The following AUTS2 variants were observed in gnomAD, a reference collection of about 807,000 sequenced individuals.
AUTS2 encodes the protein autism susceptibility gene 2 protein.
AUTS2 carries 17 observed loss-of-function variants against 112.4 expected under a neutral mutation model. The observed-to-expected ratio is 0.15, with a 90% confidence interval of 0.10 to 0.23. The LOEUF (loss-of-function observed/expected upper bound fraction) is 0.23. Ranked by LOEUF, AUTS2 falls within the 10% of genes least tolerant of loss-of-function variation. The probability of loss-of-function intolerance (pLI) is 1.00; values close to 1 mark genes in which losing one functional copy is unlikely to be tolerated. For synonymous variants in AUTS2, 751 were observed against 702.7 expected, an observed-to-expected ratio of 1.07 and a Z score of -1.09; for missense variants, 1,510 against 1,701.6, an observed-to-expected ratio of 0.89 and a Z score of 1.98.
intron 2 of AUTS2, among the ~76,000 whole-genome samples, chr7:69,931,884 T>C (rs7809934): frequency 0.36 from 54,288 of 152,176 alleles, 10,183 homozygotes; most frequent in African/African-American, 0.47. Flanking sequence ...CTTACCTTGA[T>C]GAGGCAATCT....
At chr7:70,646,483 GA>G (rs1368582006) in intron 5 of AUTS2, among the ~76,000 whole-genome samples, 3 of 152,244 alleles carry the variant, frequency 2.0e-5, no homozygotes, top group African/African-American at 7.2e-5. Context: ...TCAAATGTCA[GA>G]GGCCATTCAA....
At chr7:70,275,943 G>A (rs1787907302) in intron 4 of AUTS2, among the ~76,000 whole-genome samples, 1 of 152,122 alleles carries the variant, frequency 6.6e-6, no homozygotes, top group African/African-American at 2.4e-5. Context: ...AGCAGCATGA[G>A]AACGTATTAA....
chr7:70,374,012 T>A (rs1792969824), intron 4 of AUTS2, among the ~76,000 whole-genome samples: 1 of 152,190 alleles, frequency 6.6e-6, no homozygotes, highest in South Asian at 2.1e-4. Context: ...ATATAACCTA[T>A]CTCCTGCAAC....
intron 2 of AUTS2, among the ~76,000 whole-genome samples, chr7:69,951,774 T>C (rs913661537): frequency 6.6e-6 from 1 of 152,116 alleles, no homozygotes; most frequent in African/African-American, 2.4e-5. Context: ...AGGAATTCAT[T>C]AGGGGTATCC....
chr7:70,599,428 T>C (rs1454917038), intron 5 of AUTS2, among the ~76,000 whole-genome samples: 1 of 152,252 alleles, frequency 6.6e-6, no homozygotes, highest in Non-Finnish European at 1.5e-5. Context: ...GAGGAGTACT[T>C]TGAGGTCATC....
At chr7:69,946,678 T>C (rs1057030792) in intron 2 of AUTS2, among the ~76,000 whole-genome samples, 2 of 151,920 alleles carry the variant, frequency 1.3e-5, no homozygotes, top group Non-Finnish European at 2.9e-5. Flanking sequence ...CCATAAATAA[T>C]GAAGTTCACT....
At chr7:70,637,241 C>G (rs1339748298) in intron 5 of AUTS2, among the ~76,000 whole-genome samples, 1 of 152,188 alleles carries the variant, frequency 6.6e-6, no homozygotes, top group East Asian at 1.9e-4. Context: ...ATCTGTGACA[C>G]TTTCAAAAAT....
intron 5 of AUTS2, among the ~76,000 whole-genome samples, chr7:70,451,336 A>G (rs1796520189): frequency 6.6e-6 from 1 of 152,206 alleles, no homozygotes; most frequent in South Asian, 2.1e-4. Flanking sequence ...CCATGTAACA[A>G]ACATACACAT....
At chr7:70,358,052 T>TGG (rs1430023964) in intron 4 of AUTS2, among the ~76,000 whole-genome samples, 1 of 152,186 alleles carries the variant, frequency 6.6e-6, no homozygotes, top group Non-Finnish European at 1.5e-5. Flanking sequence ...CGTGGGGCTA[T>TGG]GGATGAGCAG....
chr7:70,390,938 A>C (rs1165674426), intron 4 of AUTS2, among the ~76,000 whole-genome samples: 1 of 152,124 alleles, frequency 6.6e-6, no homozygotes, highest in Non-Finnish European at 1.5e-5. Flanking sequence ...ATTCTGATAC[A>C]CTCCAAAGTT....
chr7:70,120,896 G>A (rs951190432), intron 3 of AUTS2, among the ~76,000 whole-genome samples: 2 of 152,100 alleles, frequency 1.3e-5, no homozygotes, highest in African/African-American at 4.8e-5. Context: ...AACCAACACA[G>A]TCTGGAAAAA....
At chr7:70,370,771 G>A (rs573995489) in intron 4 of AUTS2, among the ~76,000 whole-genome samples, 34 of 151,984 alleles carry the variant, frequency 2.2e-4, no homozygotes, top group Admixed American at 1.0e-3. Context: ...TACAGTGCCC[G>A]CATTTTACAT....
chr7:70,617,077 G>A (rs143418419), intron 5 of AUTS2, among the ~76,000 whole-genome samples: 7 of 152,320 alleles, frequency 4.6e-5, no homozygotes, highest in African/African-American at 7.2e-5. Flanking sequence ...TGGTAAGACA[G>A]CTACAGCTGG....
At chr7:70,057,597 C>T (rs1343258613) in intron 2 of AUTS2, among the ~76,000 whole-genome samples, 1 of 152,200 alleles carries the variant, frequency 6.6e-6, no homozygotes, top group South Asian at 2.1e-4. Context: ...TTTTTCATTC[C>T]CATTTTAATG....
At chr7:70,280,300 T>TC (rs1255851706) in intron 4 of AUTS2, among the ~76,000 whole-genome samples, 1 of 149,332 alleles carries the variant, frequency 6.7e-6, no homozygotes, top group Non-Finnish European at 1.5e-5. Context: ...TTTTTTTTTT[T>TC]CCGAGACAGA....
chr7:70,376,732 G>A (rs1288960078), intron 4 of AUTS2, among the ~76,000 whole-genome samples: 5 of 148,728 alleles, frequency 3.4e-5, no homozygotes, highest in South Asian at 2.2e-4. Context: ...CCTTTATCTC[G>A]AATGCAGTTC....
At chr7:70,145,268 T>C (rs2129575728) in intron 4 of AUTS2, among the ~76,000 whole-genome samples, 1 of 152,248 alleles carries the variant, frequency 6.6e-6, no homozygotes, top group East Asian at 1.9e-4. Context: ...AGACAACCTG[T>C]GGGCATACTT....
intron 2 of AUTS2, among the ~76,000 whole-genome samples, chr7:70,043,419 T>C (rs947093728): frequency 1.1e-4 from 16 of 152,162 alleles, no homozygotes; most frequent in Non-Finnish European, 5.9e-5. Context: ...TTATATTTTA[T>C]GAAGAACAGA....
chr7:70,332,501 C>T (rs1307493212), intron 4 of AUTS2, among the ~76,000 whole-genome samples: 1 of 152,098 alleles, frequency 6.6e-6, no homozygotes, highest in Non-Finnish European at 1.5e-5. Context: ...GCCTGTATAG[C>T]CAAGACAATC....
Sources: allele counts gnomAD v4.1 joint callset (sites outside exome capture counted in the v4.1 genomes callset), GRCh38; gene constraint gnomAD v4.1.1; transcripts MANE v1.5; gene names NCBI Gene and HGNC (gene_info 2026-07-23, HGNC 2026-07-21).